The following MRPS16 variants were observed in gnomAD, a reference collection of about 807,000 sequenced individuals.
MRPS16 encodes the protein small ribosomal subunit protein bS16m.
In MRPS16, 5 loss-of-function variants were observed where a neutral mutation model predicts 11.0. The ratio of observed to expected loss-of-function variants is 0.46; its 90% confidence interval spans 0.24 to 0.96. The LOEUF (loss-of-function observed/expected upper bound fraction) is 0.96. Among genes scored for constraint, MRPS16 ranks in the 40% least tolerant of loss-of-function variants. The pLI is 0.20. For missense variants in MRPS16, 179 were observed against 174.4 expected (o/e 1.03, Z -0.15); for synonymous variants, 76 against 65.0 (o/e 1.17, Z -0.81).
At chr10:73,251,081 C>G in intron 2 of MRPS16, 90 bp from the exon 3 acceptor site, 1 of 1,476,734 alleles carries the variant, frequency 6.8e-7, no homozygotes, top group Non-Finnish European at 9.4e-7. Context: ...GGTCTGAGAT[C>G]TGACCCAGTG....
Position 73,250,394 on chromosome 10 carries a change from A to T in MRPS16, c.*458T>A, listed in dbSNP as rs1277519416. 5.1e-5 allele frequency: 9 copies of T among 177,548 alleles called. 1 individual carries two copies. Among genetic ancestry groups the T allele is most frequent in the African/African-American group, 2.2e-4 (9 of 41,590 alleles). The allele number at this position is 177,548 out of a possible 1,614,324, so 11.0% of individuals were successfully genotyped here. On this transcript the variant is annotated 3_prime_UTR_variant, in exon 3 of 3. Coordinates refer to ENST00000372945, the MANE Select transcript of MRPS16 (RefSeq NM_016065.4). ...AACAAGACTCCGTCTCAAAAAAAAA[A>T]AAAAAAAGAGAATATGCATTAGGCA...
chr10:73,251,022 A>G (rs1421610001), intron 2 of MRPS16, 31 bp from the exon 3 acceptor site: 25 of 1,612,570 alleles, frequency 1.6e-5, no homozygotes, highest in Non-Finnish European at 2.0e-5. Context: ...ACTTATTATA[A>G]CACAGTATAA....
At position 73,249,636 on chromosome 10, in the gene MRPS16, A is replaced by G. The variant is rs1054779957; in HGVS notation, c.*1216T>C. On this transcript the variant is annotated 3_prime_UTR_variant, in exon 3 of 3. Coordinates refer to ENST00000372945, the MANE Select transcript of MRPS16 (RefSeq NM_016065.4). ...TATTCTCAGAAGGATCCCATCTATG[A>G]TATATGCAGAAATCACAGCCACATT... 1.3e-5 allele frequency: 4 copies of G among 310,668 alleles called. No individual in the cohort carries two copies. Among genetic ancestry groups the G allele is most frequent in the Non-Finnish European group, 2.4e-5 (4 of 163,768 alleles). The allele number at this position is 310,668 out of a possible 1,614,324, so 19.2% of individuals were successfully genotyped here.
At chr10:73,251,675 C>G (rs1224503238) in intron 2 of MRPS16, 88 bp downstream of exon 2, 11 of 1,589,344 alleles carry the variant, frequency 6.9e-6, no homozygotes, top group African/African-American at 1.3e-5. Flanking sequence ...GCCACCGTGC[C>G]CAGCCGAAAA....
rs2044138519 is a variant in MRPS16 at position 73,252,614 on chromosome 10, A to G, written c.-132T>C. On this transcript the variant is annotated 5_prime_UTR_variant, in exon 1 of 3. Coordinates refer to ENST00000372945, the MANE Select transcript of MRPS16 (RefSeq NM_016065.4). ...ACCAGGCCGCACCGCCAAGCGGTAC[A>G]AGCCCGAAAACCTCGACTCCGGAAG... 11 of 1,356,834 alleles carry G rather than the reference A, an allele frequency of 8.1e-6. No individual in the cohort carries two copies. The South Asian group carries it at 1.1e-4, about 14-fold the overall frequency. The allele number at this position is 1,356,834 out of a possible 1,614,324, so 84.0% of individuals were successfully genotyped here.
In MRPS16 at chr10:73,250,869, C is replaced by G; in HGVS notation, c.397G>C (p.Glu133Gln). The G allele has an allele frequency of 6.2e-7, 1 of 1,614,124 alleles. No individual in the cohort carries two copies. Among genetic ancestry groups the G allele is most frequent in the Non-Finnish European group, 8.5e-7 (1 of 1,180,028 alleles). Residue 133 changes from glutamate to glutamine, a missense_variant, in exon 3 of 3, where the codon GAG (glutamate) becomes CAG (glutamine). Transcript: ENST00000372945. ...CAGCTCATTTATGTTTCTGTAGCCT[C>G]TGTATCTGTAGCTTCTGCATCTGTT... ...QKTDAEATDT[E>Q]ATET
Position 73,250,915 on chromosome 10 carries a change from T to C in MRPS16, c.351A>G (p.Glu117=). The change falls in exon 3 of 3, where the codon GAA becomes GAG. Residue 117 remains glutamate (E), a synonymous_variant. Coordinates refer to ENST00000372945, the MANE Select transcript of MRPS16 (RefSeq NM_016065.4). Reference sequence around the variant, plus strand: ...CTGTTTTCTGAGAAGCTAACAGGACTTCACGTGCCCGTTTCCTTCGCAGTC... The same window carrying C: ...CTGTTTTCTGAGAAGCTAACAGGACCTCACGTGCCCGTTTCCTTCGCAGTC... The part of the protein sequence containing the change: ...AERLRRKRAR[E]VLLASQKTDA... The C allele has an allele frequency of 6.2e-7, 1 of 1,614,228 alleles. No homozygotes were observed. The highest frequency in any genetic ancestry group is 8.5e-7 in the Non-Finnish European group (1 of 1,180,028).
Position 73,250,811 on chromosome 10 carries a change from TGACCTTG to T in MRPS16, c.*34_*40del. The T allele has an allele frequency of 6.2e-7, 1 of 1,610,256 alleles. No individual in the cohort carries two copies. Among genetic ancestry groups the T allele is most frequent in the Non-Finnish European group, 8.5e-7 (1 of 1,179,062 alleles). ...TCGCTGCAGTGTTTCAAAAGGACCT[TGACCTTG>T]TTCCCACTGCTATGCTCACTAAAGT... is the stretch of plus-strand genomic sequence containing the variant. On this transcript the variant is annotated 3_prime_UTR_variant, in exon 3 of 3. Transcript: ENST00000372945.
At chr10:73,252,386 G>T (rs1281775782) in intron 1 of MRPS16, 84 bp downstream of exon 1, 25 of 1,585,930 alleles carry the variant, frequency 1.6e-5, no homozygotes, top group Non-Finnish European at 2.1e-5. Context: ...CCTCCATCGC[G>T]CCTGGGAGAG....
intron 1 of MRPS16, 95 bp from the exon 2 acceptor site, chr10:73,252,118 A>C (rs1589211680): frequency 5.7e-5 from 85 of 1,497,100 alleles, no homozygotes; most frequent in Non-Finnish European, 7.4e-5. Context: ...GAAATGTCTC[A>C]CTTCCAATCC....
chr10:73,251,427 G>A (rs1160401287), intron 2 of MRPS16, among the ~76,000 whole-genome samples: 1 of 151,870 alleles, frequency 6.6e-6, no homozygotes, highest in Non-Finnish European at 1.5e-5. Flanking sequence ...CCAGACTGGA[G>A]TGCAGTGACG....
Position 73,252,453 on chromosome 10 carries a change from G to A in MRPS16, c.13+17C>T, listed in dbSNP as rs761641903. The A allele has an allele frequency of 1.9e-6, 3 of 1,609,302 alleles. No individual in the cohort carries two copies. The highest frequency in any genetic ancestry group is 2.7e-5 in the African/African-American group (2 of 74,918). On this transcript the variant is annotated intron_variant, in intron 1 of 2. Transcript: ENST00000372945. ...CCGTGACCGCCCGGAACGTCTCGCGGTGGCCCGATGACTCACTGAGGTGGA... is the reference window on the plus strand; with the variant it reads ...CCGTGACCGCCCGGAACGTCTCGCGATGGCCCGATGACTCACTGAGGTGGA...
At chr10:73,251,691 C>T (rs1436055762) in intron 2 of MRPS16, 72 bp downstream of exon 2, 2 of 1,606,330 alleles carry the variant, frequency 1.2e-6, no homozygotes, top group Non-Finnish European at 1.7e-6. Context: ...GAAAATCATT[C>T]TTACACCTAC....
In MRPS16 at chr10:73,252,310, T is replaced by C. The variant is rs2044126583; in HGVS notation, c.13+160A>G. On this transcript the variant is annotated intron_variant, in intron 1 of 2. Coordinates refer to ENST00000372945, the MANE Select transcript of MRPS16 (RefSeq NM_016065.4). ...GGGGTGGAAATTTTTCAGCGGTGAT[T>C]AAGTGGGGAAAAAACTGAGAGAAGG... is the stretch of plus-strand genomic sequence containing the variant. 3.3e-6 allele frequency: 4 copies of C among 1,221,232 alleles called. No individual in the cohort carries two copies. In the African/African-American group the frequency reaches 6.0e-5, roughly 18 times the overall value. The allele number at this position is 1,221,232 out of a possible 1,614,324, so 75.6% of individuals were successfully genotyped here. A position where few individuals can be genotyped will look rare whatever the true frequency, so the allele number is the denominator to read the frequency against.
At chr10:73,251,442 C>G (rs2044094060) in intron 2 of MRPS16, among the ~76,000 whole-genome samples, 1 of 151,900 alleles carries the variant, frequency 6.6e-6, no homozygotes, top group South Asian at 2.1e-4. Context: ...GTGACGCGAT[C>G]TTGGCTCACT....
rs1397969486 is a variant in MRPS16 at position 73,251,879 on chromosome 10, G to A, written c.158C>T (p.Ser53Phe). 3.1e-6 allele frequency: 5 copies of A among 1,614,074 alleles called. No individual in the cohort carries two copies. In the African/African-American group the frequency reaches 6.7e-5, roughly 22 times the overall value. Residue 53 changes from serine (S) to phenylalanine (F), a missense_variant, in exon 2 of 3, where the codon TCC (serine) becomes TTC (phenylalanine). Physicochemically the swap from Ser to Phe is radical, Grantham distance 155. Coordinates refer to ENST00000372945, the MANE Select transcript of MRPS16 (RefSeq NM_016065.4). ...RDGRFVEQLG[S>F]YDPLPNSHGE... Reference sequence around the variant, plus strand: ...ATGACTGTTGGGCAATGGATCATAGGAGCCCAGCTGCTCTACGAAACGGCC... The same window carrying A: ...ATGACTGTTGGGCAATGGATCATAGAAGCCCAGCTGCTCTACGAAACGGCC...
At position 73,252,569 on chromosome 10, in the gene MRPS16, G is replaced by GA. The variant is rs1484852783; in HGVS notation, c.-88dup. On this transcript the variant is annotated 5_prime_UTR_variant, in exon 1 of 3. Coordinates refer to ENST00000372945, the MANE Select transcript of MRPS16 (RefSeq NM_016065.4). ...CTTGGCAGGGCAGAGAACAAACACA[G>GA]AAAGAACCTGCAAGCCGACACCAGG... is the stretch of plus-strand genomic sequence containing the variant. 1.9e-6 allele frequency: 3 copies of GA among 1,556,336 alleles called. No individual in the cohort carries two copies. Among genetic ancestry groups the GA allele is most frequent in the Non-Finnish European group, 2.6e-6 (3 of 1,153,316 alleles).
rs1435711521 is a variant in MRPS16 at position 73,249,247 on chromosome 10, A to G, written c.*1605T>C. ...TTTATATTATTTTTCCTTACAAGTT[A>G]CTTCAAATTCTTGATGTTGAATTTC... On this transcript the variant is annotated 3_prime_UTR_variant, in exon 3 of 3. Coordinates refer to ENST00000372945, the MANE Select transcript of MRPS16 (RefSeq NM_016065.4). 2 of 1,540,508 alleles carry G rather than the reference A, an allele frequency of 1.3e-6. No homozygotes were observed. Among genetic ancestry groups the G allele is most frequent in the Non-Finnish European group, 1.8e-6 (2 of 1,138,574 alleles).
chr10:73,252,490 C>G lies in MRPS16; in HGVS notation c.-8G>C, dbSNP rs2271909. ...CTCACTGAGGTGGACCATGGTGCCG[C>G]CGGCGTGCGGCTCCTCGGAGAGCCC... On this transcript the variant is annotated 5_prime_UTR_variant, in exon 1 of 3. Transcript: ENST00000372945. 714 of 1,608,092 alleles carry G rather than the reference C, an allele frequency of 4.4e-4. 7 individuals are homozygous for G. In the East Asian group the frequency reaches 0.013, roughly 30 times the overall value.
Sources: allele counts gnomAD v4.1 joint callset (sites outside exome capture counted in the v4.1 genomes callset), GRCh38; gene constraint gnomAD v4.1.1; transcripts MANE v1.5; gene names NCBI Gene and HGNC (gene_info 2026-07-23, HGNC 2026-07-21).